The following SLC41A1 variants were observed in gnomAD, a reference collection of about 807,000 sequenced individuals.
SLC41A1 encodes the protein solute carrier family 41 member 1.
In SLC41A1, 20 loss-of-function variants were observed where a neutral mutation model predicts 47.3. That is an observed-to-expected ratio of 0.42 (90% CI 0.30 to 0.61). The LOEUF (loss-of-function observed/expected upper bound fraction) is 0.61, where lower values mean the gene tolerates loss of function less well. SLC41A1 is among the 20% of genes least tolerant of loss of function. The probability of loss-of-function intolerance (pLI) is 0.17; values close to 1 mark genes in which losing one functional copy is unlikely to be tolerated. For synonymous variants in SLC41A1, 282 were observed against 272.7 expected (o/e 1.03, Z -0.34); for missense variants, 504 against 674.1 (o/e 0.75, Z 2.79).
chr1:205,811,720 C>T (rs547302468), intron 1 of SLC41A1, among the ~76,000 whole-genome samples: 5 of 152,324 alleles, frequency 3.3e-5, no homozygotes, highest in Admixed American at 3.3e-4. Flanking sequence ...GGCCAAGAGC[C>T]AGAGGCCTAC....
At chr1:205,805,658 C>G (rs956175296) in intron 2 of SLC41A1, among the ~76,000 whole-genome samples, 1 of 152,204 alleles carries the variant, frequency 6.6e-6, no homozygotes, top group Non-Finnish European at 1.5e-5. Flanking sequence ...CTTTCCTTCT[C>G]TAACCTTGGT....
At chr1:205,807,650 C>CTTTTTTTT (rs71152452) in intron 2 of SLC41A1, among the ~76,000 whole-genome samples, 5 of 98,518 alleles carry the variant, frequency 5.1e-5, no homozygotes, top group Admixed American at 1.4e-4. Flanking sequence ...CTCGTAGAGT[C>CTTTTTTTT]TTTTTTTTTT....
rs1400852766 is a variant in SLC41A1, at chr1:205,791,924, G to A, written c.1357-206C>T. Among the ~76,000 whole-genome samples the A allele has an allele frequency of 6.6e-6, 1 of 152,168 alleles. No homozygotes were observed. Among genetic ancestry groups the A allele is most frequent in the East Asian group, 1.9e-4 (1 of 5,200 alleles). ...TGAGCAGACAACAGGCACAATAAGA[G>A]CTCTTTAGAAAGGAAGATGCTGCTA... On this transcript the variant is annotated intron_variant, in intron 10 of 10. Coordinates refer to ENST00000367137, the MANE Select transcript of SLC41A1 (RefSeq NM_173854.6). The surrounding 1 kb of genome is among the most constrained non-coding windows in gnomAD (Gnocchi z 4.0).
At chr1:205,794,202 T>C (rs1025565004) in intron 10 of SLC41A1, among the ~76,000 whole-genome samples, 7 of 152,224 alleles carry the variant, frequency 4.6e-5, no homozygotes, top group African/African-American at 7.2e-5. Flanking sequence ...GCACTGCAGA[T>C]TGCATCAATG....
rs1655782386 is a variant in SLC41A1, at chr1:205,797,787, A to C, written c.992+117T>G. 4 of 1,293,592 alleles carry C rather than the reference A, an allele frequency of 3.1e-6. No individual in the cohort carries two copies. The East Asian group carries it at 7.0e-5, about 23-fold the overall frequency. The allele number at this position is 1,293,592 out of a possible 1,614,324, so 80.1% of individuals were successfully genotyped here. The stretch of plus-strand genomic sequence containing the variant: ...TTTCAACAGAAGGACATGTGACTGA[A>C]ACACTAATGAACACATTTCTAGGGT... On this transcript the variant is annotated intron_variant, in intron 7 of 10. Coordinates refer to ENST00000367137, the MANE Select transcript of SLC41A1 (RefSeq NM_173854.6).
Position 205,812,940 on chromosome 1 carries a change from C to T in SLC41A1, c.-779G>A, listed in dbSNP as rs994193584. ...CTCCTTGGCCCCCGGCGTGCCCCCCCACACCCCCAGCCAAGGCGAGCGTCC... is the reference window on the plus strand; with the variant it reads ...CTCCTTGGCCCCCGGCGTGCCCCCCTACACCCCCAGCCAAGGCGAGCGTCC... On this transcript the variant is annotated 5_prime_UTR_variant, in exon 1 of 11. Coordinates refer to ENST00000367137, the MANE Select transcript of SLC41A1 (RefSeq NM_173854.6). 2 of 985,732 alleles carry T rather than the reference C, an allele frequency of 2.0e-6. No individual in the cohort carries two copies. Among genetic ancestry groups the T allele is most frequent in the African/African-American group, 1.7e-5 (1 of 57,258 alleles). The allele number at this position is 985,732 out of a possible 1,614,324, so 61.1% of individuals were successfully genotyped here. A position where few individuals can be genotyped will look rare whatever the true frequency, so the allele number is the denominator to read the frequency against.
In SLC41A1 at chr1:205,812,940, C is replaced by G. The variant is rs994193584; in HGVS notation, c.-779G>C. 20 of 985,732 alleles carry G rather than the reference C, an allele frequency of 2.0e-5. No individual in the cohort carries two copies. The highest frequency in any genetic ancestry group is 9.4e-5 in the South Asian group (2 of 21,300). The allele number at this position is 985,732 out of a possible 1,614,324, so 61.1% of individuals were successfully genotyped here. A position where few individuals can be genotyped will look rare whatever the true frequency, so the allele number is the denominator to read the frequency against. On this transcript the variant is annotated 5_prime_UTR_variant, in exon 1 of 11. Transcript: ENST00000367137. ...CTCCTTGGCCCCCGGCGTGCCCCCC[C>G]ACACCCCCAGCCAAGGCGAGCGTCC...
intron 3 of SLC41A1, among the ~76,000 whole-genome samples, chr1:205,800,543 G>T (rs1655855312): frequency 6.6e-6 from 1 of 151,174 alleles, no homozygotes; most frequent in Non-Finnish European, 1.5e-5. Flanking sequence ...GGGGGCTGGG[G>T]GTGCTGGGAG....
At chr1:205,800,833 C>A in intron 3 of SLC41A1, 120 bp downstream of exon 3, 2 of 952,990 alleles carry the variant, frequency 2.1e-6, no homozygotes, top group South Asian at 1.4e-5. Flanking sequence ...TCCCTTCCCA[C>A]CCCAGCCCCA....
In SLC41A1 at chr1:205,798,722, A is replaced by T; in HGVS notation, c.791T>A (p.Leu264His). 1 of 1,614,132 alleles carries T rather than the reference A, an allele frequency of 6.2e-7. No individual in the cohort carries two copies. Among genetic ancestry groups the T allele is most frequent in the Non-Finnish European group, 8.5e-7 (1 of 1,180,022 alleles). The change falls in exon 6 of 11, where the codon CTC (leucine) becomes CAC (histidine). Residue 264 changes from leucine (L) to histidine (H), a missense_variant. Leu to His is a moderately conservative substitution (Grantham distance 99, BLOSUM62 -3). Transcript: ENST00000367137. ...GCCTGAGAGCAGCGCCAAGGTGATG[A>T]GGTCGCCCAGGCTGGCAGCAATGGG... The part of the protein sequence containing the change: ...ATPIAASLGD[L>H]ITLALLSGIS...
At chr1:205,794,047 G>A (rs1009864492) in intron 10 of SLC41A1, among the ~76,000 whole-genome samples, 8 of 152,132 alleles carry the variant, frequency 5.3e-5, no homozygotes, top group African/African-American at 1.9e-4. Context: ...ATAGCATAAG[G>A]GAGCCTTGTG....
intron 5 of SLC41A1, 22 bp from the exon 6 acceptor site, chr1:205,798,837 G>C: frequency 6.2e-7 from 1 of 1,614,164 alleles, no homozygotes; most frequent in Non-Finnish European, 8.5e-7. Context: ...GTGGGAGGAG[G>C]GGCAGGCAGG....
intron 8 of SLC41A1, 30 bp downstream of exon 8, chr1:205,796,893 TG>T (rs780487096): frequency 1.2e-6 from 2 of 1,603,702 alleles, no homozygotes; most frequent in African/African-American, 2.7e-5. Context: ...CCCCCAGCCC[TG>T]CCCTCTGATA....
Position 205,797,956 on chromosome 1 carries a change from C to T in SLC41A1, c.940G>A (p.Glu314Lys). 6.2e-7 allele frequency: 1 copy of T among 1,614,208 alleles called. No individual in the cohort carries two copies. The highest frequency in any genetic ancestry group is 1.1e-5 in the South Asian group (1 of 91,082). The change falls in exon 7 of 11, where the codon GAG becomes AAG. Residue 314 changes from glutamate (E) to lysine (K), a missense_variant. By Grantham distance (56) the Glu-to-Lys change is moderately conservative (BLOSUM62 1). Coordinates refer to ENST00000367137, the MANE Select transcript of SLC41A1 (RefSeq NM_173854.6). ...VLARRSPATR[E>K]VLYSGWEPVI... is the part of the protein sequence containing the mutation. ...GGCTCCCAGCCCGAGTACAACACCT[C>T]CCTTGTGGCTGGACTTCGTCGGGCC...
rs533342852 is a variant in SLC41A1, at chr1:205,789,654, T to C, written c.*1879A>G. On this transcript the variant is annotated 3_prime_UTR_variant, in exon 11 of 11. Transcript: ENST00000367137. The stretch of plus-strand genomic sequence containing the variant: ...GAATTCTGTTGGACACAACTCCAAC[T>C]AGAAAACCTCTAAAATTCCTTCCAA... 39 of 152,340 alleles carry C rather than the reference T, an allele frequency of 2.6e-4. No individual in the cohort carries two copies. The highest frequency in any genetic ancestry group is 9.4e-4 in the African/African-American group (39 of 41,576). 9.4% of individuals were successfully genotyped at this position (152,340 alleles called of 1,614,324 possible). A position where few individuals can be genotyped will look rare whatever the true frequency, so the allele number is the denominator to read the frequency against.
Position 205,791,593 on chromosome 1 carries a change from T to C in SLC41A1, c.1482A>G (p.Leu494=). The change falls in exon 11 of 11, where the codon CTA becomes CTG. Residue 494 remains leucine (L), a synonymous_variant. Transcript: ENST00000367137. The surrounding 1 kb of genome is among the most constrained non-coding windows in gnomAD (Gnocchi z 4.0). ...GCCAGAGAACATGGAAGCTGAGTGC[T>C]AGGAGCCCAGTGCCAAGCAGGTCCC... The part of the protein sequence containing the change: ...ALGDLLGTGL[L]ALSFHVLWLI... 1 of 1,614,116 alleles carries C rather than the reference T, an allele frequency of 6.2e-7. No homozygotes were observed. Among genetic ancestry groups the C allele is most frequent in the Non-Finnish European group, 8.5e-7 (1 of 1,180,016 alleles).
intron 2 of SLC41A1, among the ~76,000 whole-genome samples, chr1:205,809,786 G>C (rs533084305): frequency 6.6e-6 from 1 of 152,054 alleles, no homozygotes; most frequent in East Asian, 1.9e-4. Flanking sequence ...GGCAAGCAAC[G>C]ACCCTGTTCC....
chr1:205,797,114 T>C, intron 7 of SLC41A1, 111 bp from the exon 8 acceptor site: 2 of 952,746 alleles, frequency 2.1e-6, no homozygotes, highest in South Asian at 1.4e-5. Flanking sequence ...GGAAGCACCA[T>C]GGCTCTCAGG....
intron 8 of SLC41A1, chr1:205,795,817 A>G: frequency 2.4e-6 from 1 of 410,394 alleles, no homozygotes; most frequent in Non-Finnish European, 4.6e-6. Flanking sequence ...CCACCAGTAG[A>G]GCATGGGCAC....
Sources: allele counts gnomAD v4.1 joint callset (sites outside exome capture counted in the v4.1 genomes callset), GRCh38; gene constraint gnomAD v4.1.1; non-coding constraint Gnocchi (gnomAD v3.1); transcripts MANE v1.5; gene names NCBI Gene and HGNC (gene_info 2026-07-23, HGNC 2026-07-21).